Variants in FAM81A observed in about 807,000 individuals in gnomAD.
FAM81A encodes the protein protein FAM81A.
In FAM81A, 19 loss-of-function variants were observed where a neutral mutation model predicts 46.7. That is an observed-to-expected ratio of 0.41 (90% confidence interval 0.28 to 0.60). FAM81A has a LOEUF of 0.60. Among genes scored for constraint, FAM81A ranks in the 20% least tolerant of loss-of-function variants. The pLI, the probability that FAM81A is intolerant of heterozygous loss-of-function variation, is 0.34. For synonymous variants in FAM81A, 183 were observed against 152.9 expected (o/e 1.20, Z -1.45); for missense variants, 377 against 453.5 (o/e 0.83, Z 1.53).
chr15:59,426,069 T>A (rs550503335), intron 2 of FAM81A, among the ~76,000 whole-genome samples: 37 of 152,322 alleles, frequency 2.4e-4, no homozygotes, highest in Non-Finnish European at 4.7e-4. Flanking sequence ...TTTAAATTAG[T>A]CTTTAGTCCT....
At chr15:59,427,034 A>T (rs1423680138) in intron 2 of FAM81A, among the ~76,000 whole-genome samples, 1 of 152,208 alleles carries the variant, frequency 6.6e-6, no homozygotes, top group Admixed American at 6.5e-5. Flanking sequence ...ATATCAGACA[A>T]TCTGTTTCTG....
At chr15:59,498,316 T>C (rs2141780143) in intron 4 of FAM81A, among the ~76,000 whole-genome samples, 1 of 152,332 alleles carries the variant, frequency 6.6e-6, no homozygotes, top group East Asian at 1.9e-4. Flanking sequence ...AAATAGCAAA[T>C]CATTTTGGTT....
At chr15:59,520,501 T>C (rs1292953169) in intron 8 of FAM81A, among the ~76,000 whole-genome samples, 1 of 152,226 alleles carries the variant, frequency 6.6e-6, no homozygotes, top group East Asian at 1.9e-4. Context: ...TGTTGACCTT[T>C]TTAAAGAATA....
intron 2 of FAM81A, among the ~76,000 whole-genome samples, chr15:59,433,001 G>A (rs2081227270): frequency 6.6e-6 from 1 of 151,166 alleles, no homozygotes; most frequent in African/African-American, 2.4e-5. Context: ...AATTAGCTGG[G>A]CATGGTGGTG....
chr15:59,485,513 C>T lies in FAM81A; in HGVS notation c.295-6758C>T, dbSNP rs536389565. Among the ~76,000 whole-genome samples the T allele has an allele frequency of 7.2e-5, 11 of 152,334 alleles. No individual in the cohort carries two copies. In the East Asian group the frequency reaches 1.7e-3, roughly 24 times the overall value. ...ATCTTCTGGATTTTATCCAAGACCA[C>T]CAAGGTAGTACTTCTACAAGTATGC... On this transcript the variant is annotated intron_variant, in intron 3 of 8. Transcript: ENST00000288228.
chr15:59,454,911 G>T (rs1269634213), intron 1 of FAM81A, among the ~76,000 whole-genome samples: 1 of 149,578 alleles, frequency 6.7e-6, no homozygotes, highest in Non-Finnish European at 1.5e-5. Context: ...AGGACTACAG[G>T]TGTGTGCCTC....
intron 5 of FAM81A, 135 bp downstream of exon 5, chr15:59,507,477 T>G: frequency 8.2e-7 from 1 of 1,225,854 alleles, no homozygotes; most frequent in Non-Finnish European, 1.1e-6. Flanking sequence ...TAAGCATCTT[T>G]TCTTTGATTC....
At chr15:59,420,488 C>A (rs529672927) in intron 2 of FAM81A, among the ~76,000 whole-genome samples, 4 of 152,124 alleles carry the variant, frequency 2.6e-5, no homozygotes, top group African/African-American at 9.7e-5. Context: ...CTGAGTCTAA[C>A]GGAAAAACAA....
intron 3 of FAM81A, among the ~76,000 whole-genome samples, chr15:59,475,506 A>C (rs75957687): frequency 0.014 from 2,169 of 152,240 alleles, 39 homozygotes; most frequent in African/African-American, 0.05. Context: ...AAGTAATTTC[A>C]ATTTTGCTGT....
intron 1 of FAM81A, among the ~76,000 whole-genome samples, chr15:59,443,750 C>G (rs1364504209): frequency 1.3e-5 from 2 of 152,220 alleles, no homozygotes; most frequent in Non-Finnish European, 2.9e-5. Context: ...GTCCCCTGCA[C>G]AGTCTCCCTC....
chr15:59,428,877 T>C (rs1052872700), intron 2 of FAM81A, among the ~76,000 whole-genome samples: 80 of 152,252 alleles, frequency 5.3e-4, no homozygotes, highest in Non-Finnish European at 2.4e-4. Context: ...GTGATCTGCC[T>C]GCCTCCGCCT....
At position 59,476,506 on chromosome 15, in the gene FAM81A, C is replaced by T. The variant is rs566172360; in HGVS notation, c.295-15765C>T. Among the ~76,000 whole-genome samples the T allele has an allele frequency of 2.2e-4, 34 of 152,302 alleles. No homozygotes were observed. The South Asian group carries it at 5.8e-3, about 26-fold the overall frequency. On this transcript the variant is annotated intron_variant, in intron 3 of 8. Transcript: ENST00000288228. ...GTAATATAAAAATTGGCACCAGGCA[C>T]GGTGGCTCACGCCTGTAATCCCATC... is the stretch of plus-strand genomic sequence containing the variant.
At chr15:59,416,845 T>C (rs1426095004) in intron 2 of FAM81A, among the ~76,000 whole-genome samples, 1 of 152,244 alleles carries the variant, frequency 6.6e-6, no homozygotes, top group Non-Finnish European at 1.5e-5. Context: ...AATATCATTA[T>C]GCTGGAAATT....
intron 1 of FAM81A, among the ~76,000 whole-genome samples, chr15:59,449,761 G>A (rs1167114016): frequency 5.2e-5 from 7 of 135,696 alleles, no homozygotes; most frequent in East Asian, 4.3e-4. Context: ...CAGCCTGGGC[G>A]ACAGAGCGAG....
At chr15:59,501,831 A>G (rs566001061) in intron 4 of FAM81A, among the ~76,000 whole-genome samples, 4 of 152,318 alleles carry the variant, frequency 2.6e-5, no homozygotes, top group African/African-American at 7.2e-5. Context: ...CGAATAGGAA[A>G]ACTGGTTAGA....
At chr15:59,399,211 C>T (rs754270848) in intron 1 of FAM81A, among the ~76,000 whole-genome samples, 4 of 151,958 alleles carry the variant, frequency 2.6e-5, no homozygotes, top group Non-Finnish European at 4.4e-5. Context: ...AAAGAATCAG[C>T]CATCATATTC....
At chr15:59,479,266 C>A (rs1292419905) in intron 3 of FAM81A, among the ~76,000 whole-genome samples, 3 of 152,028 alleles carry the variant, frequency 2.0e-5, no homozygotes, top group Non-Finnish European at 4.4e-5. Flanking sequence ...AATCCCAGCA[C>A]TTTTGGGAGG....
At chr15:59,493,745 G>A (rs1405653824) in intron 4 of FAM81A, among the ~76,000 whole-genome samples, 3 of 151,998 alleles carry the variant, frequency 2.0e-5, no homozygotes, top group Admixed American at 1.3e-4. Context: ...TCGCCACCAC[G>A]GCCAGCTAAG....
chr15:59,424,129 T>G (rs1468763609), intron 2 of FAM81A, among the ~76,000 whole-genome samples: 1 of 152,238 alleles, frequency 6.6e-6, no homozygotes, highest in Non-Finnish European at 1.5e-5. Context: ...ACCTCCTTGT[T>G]GCCACGTTCA....
Sources: gnomAD v4.1 joint callset for allele counts (sites outside exome capture counted in the v4.1 genomes callset) on GRCh38, gnomAD v4.1.1 for gene constraint, MANE v1.5 for transcripts, NCBI Gene and HGNC (gene_info 2026-07-23, HGNC 2026-07-21) for gene names.